GALNT2: variants seen among roughly 807,000 people sequenced by gnomAD.
GALNT2 encodes UDP-GalNAc:polypeptide N-acetylgalactosaminyltransferase 2.
Under a neutral mutation model 81.4 loss-of-function variants are expected in GALNT2, and 31 were observed. The observed-to-expected ratio is 0.38, with a 90% CI of 0.29 to 0.51. GALNT2 has a LOEUF of 0.51. GALNT2 is among the 20% of genes least tolerant of loss of function. GALNT2 has a pLI of 0.87. For synonymous variants in GALNT2, 303 were observed against 287.4 expected (o/e 1.05, Z -0.55); for missense variants, 629 against 765.7 (o/e 0.82, Z 2.11).
chr1:230,132,922 A>G (rs1661414075), intron 1 of GALNT2, among the ~76,000 whole-genome samples: 1 of 152,214 alleles, frequency 6.6e-6, no homozygotes, highest in African/African-American at 2.4e-5. Flanking sequence ...TATTAATTAT[A>G]AAAATACAGC....
rs1202998601 is a variant in GALNT2, at chr1:230,257,743, G to A, written c.1136+2399G>A. On this transcript the variant is annotated intron_variant, in intron 11 of 15. Transcript: ENST00000366672. This position sits in a 1 kb window ranked among gnomAD's most constrained non-coding sequence, Gnocchi z 4.6. ...ATGGGGTGAGATCCAGCTCCATGGT[G>A]AAGCAGGCAGCTGTTTGCTAATAGG... Among the ~76,000 whole-genome samples the A allele has an allele frequency of 6.6e-6, 1 of 152,230 alleles. No individual in the cohort carries two copies. Among genetic ancestry groups the A allele is most frequent in the Non-Finnish European group, 1.5e-5 (1 of 68,034 alleles).
intron 3 of GALNT2, among the ~76,000 whole-genome samples, chr1:230,219,424 G>A (rs1010070879): frequency 1.3e-5 from 2 of 151,980 alleles, no homozygotes; most frequent in Non-Finnish European, 2.9e-5. Flanking sequence ...AGTGGCCTTG[G>A]TGGCTTTCTG....
chr1:230,250,927 C>T (rs994920646), intron 10 of GALNT2, among the ~76,000 whole-genome samples: 2 of 152,112 alleles, frequency 1.3e-5, no homozygotes, highest in Non-Finnish European at 2.9e-5. Flanking sequence ...TGAACCCCGG[C>T]GAGGCTGGTG....
chr1:230,247,455 G>A (rs575382957), intron 8 of GALNT2, among the ~76,000 whole-genome samples: 30 of 152,278 alleles, frequency 2.0e-4, no homozygotes, highest in African/African-American at 5.5e-4. Flanking sequence ...AGACATCAGC[G>A]GGAGGGCGGG....
At chr1:230,197,343 G>C (rs928155451) in intron 2 of GALNT2, among the ~76,000 whole-genome samples, 1 of 152,134 alleles carries the variant, frequency 6.6e-6, no homozygotes, top group Non-Finnish European at 1.5e-5. Flanking sequence ...CAGTGCATCC[G>C]CAGGTCTGTA....
chr1:230,141,612 G>A (rs988266464), intron 1 of GALNT2, among the ~76,000 whole-genome samples: 3 of 152,070 alleles, frequency 2.0e-5, no homozygotes, highest in East Asian at 1.9e-4. Flanking sequence ...GTTGTAGCGC[G>A]CGTCAGAGTT....
rs762532265 is a variant in GALNT2, at chr1:230,075,372, C to T, written c.126+7966C>T. On this transcript the variant is annotated intron_variant, in intron 1 of 15. Transcript: ENST00000366672. Reference sequence around the variant, plus strand: ...CTGACCTCAAGTGATCCACCCACCTCGGCCTCCCAAAGTGCTGGGATTACA... The same window carrying T: ...CTGACCTCAAGTGATCCACCCACCTTGGCCTCCCAAAGTGCTGGGATTACA... Among the ~76,000 whole-genome samples the T allele has an allele frequency of 2.5e-3, 385 of 152,128 alleles. 2 individuals carry two copies. Among genetic ancestry groups the T allele is most frequent in the Non-Finnish European group, 2.5e-3 (167 of 67,980 alleles).
intron 1 of GALNT2, among the ~76,000 whole-genome samples, chr1:230,159,275 T>C (rs1031339928): frequency 6.6e-6 from 1 of 152,214 alleles, no homozygotes; most frequent in Non-Finnish European, 1.5e-5. Flanking sequence ...TCACATTTAA[T>C]GCCCATGATA....
intron 1 of GALNT2, among the ~76,000 whole-genome samples, chr1:230,144,857 A>G (rs1400000733): frequency 6.6e-6 from 1 of 152,132 alleles, no homozygotes; most frequent in African/African-American, 2.4e-5. Context: ...GATTTGGGGC[A>G]GAGGTTATGG....
chr1:230,230,877 C>T (rs1015862868), intron 3 of GALNT2, among the ~76,000 whole-genome samples: 9 of 152,146 alleles, frequency 5.9e-5, no homozygotes, highest in Admixed American at 2.0e-4. Context: ...GTTTGGTCTT[C>T]GTGGCTATCT....
At chr1:230,148,710 C>G (rs1371244909) in intron 1 of GALNT2, among the ~76,000 whole-genome samples, 1 of 151,708 alleles carries the variant, frequency 6.6e-6, no homozygotes, top group Non-Finnish European at 1.5e-5. Flanking sequence ...CCTCAGCCTT[C>G]CGAGTAGCTG....
At chr1:230,223,874 C>G (rs1443977455) in intron 3 of GALNT2, among the ~76,000 whole-genome samples, 1 of 152,210 alleles carries the variant, frequency 6.6e-6, no homozygotes, top group Admixed American at 6.5e-5. Context: ...AAGCTTTTCT[C>G]CTGTCCACTT....
At chr1:230,164,716 G>A (rs1431787388) in intron 1 of GALNT2, among the ~76,000 whole-genome samples, 1 of 152,060 alleles carries the variant, frequency 6.6e-6, no homozygotes, top group Non-Finnish European at 1.5e-5. Context: ...TGTAGTTTTA[G>A]TAGAGAGGTT....
rs144241124 is a variant in GALNT2 at position 230,245,350 on chromosome 1, G to A, written c.730-713G>A. Reference sequence around the variant, plus strand: ...GTGGTGGTGCATATCTGTAATCCCAGCTGCTTGGGAGGCTGAGGCAGTAGA... The same window carrying A: ...GTGGTGGTGCATATCTGTAATCCCAACTGCTTGGGAGGCTGAGGCAGTAGA... On this transcript the variant is annotated intron_variant, in intron 7 of 15. Transcript: ENST00000366672. 9.9e-5 allele frequency among the ~76,000 whole-genome samples: 15 copies of A among 152,166 alleles called. 1 individual carries two copies. The highest frequency in any genetic ancestry group is 1.3e-4 in the Non-Finnish European group (9 of 68,006).
intron 2 of GALNT2, among the ~76,000 whole-genome samples, chr1:230,179,501 G>T (rs1663091763): frequency 6.6e-6 from 1 of 152,182 alleles, no homozygotes; most frequent in Admixed American, 6.5e-5. Flanking sequence ...ACTCTAATAG[G>T]TGTGGAGTAG....
chr1:230,123,323 T>C (rs1345594739), intron 1 of GALNT2, among the ~76,000 whole-genome samples: 1 of 152,240 alleles, frequency 6.6e-6, no homozygotes, highest in East Asian at 1.9e-4. Context: ...ATGAACATTA[T>C]GCTGTTGTCT....
At chr1:230,150,485 G>A (rs896362195) in intron 1 of GALNT2, among the ~76,000 whole-genome samples, 16 of 152,324 alleles carry the variant, frequency 1.1e-4, no homozygotes, top group African/African-American at 3.8e-4. Context: ...CTTTCTGCCC[G>A]CTTTGTTTTT....
At chr1:230,109,604 G>GA (rs1290574332) in intron 1 of GALNT2, among the ~76,000 whole-genome samples, 8 of 152,220 alleles carry the variant, frequency 5.3e-5, no homozygotes, top group Non-Finnish European at 1.2e-4. Context: ...GAGGCAGGTG[G>GA]ATCACCTGAG....
At chr1:230,235,743 A>G (rs759658791) in intron 3 of GALNT2, among the ~76,000 whole-genome samples, 24 of 152,052 alleles carry the variant, frequency 1.6e-4, no homozygotes, top group Non-Finnish European at 3.1e-4. Context: ...GTTTTAAAAC[A>G]CTTTTTTTTA....
Sources: gnomAD v4.1 joint callset for allele counts (sites outside exome capture counted in the v4.1 genomes callset) on GRCh38, gnomAD v4.1.1 for gene constraint, Gnocchi (gnomAD v3.1) non-coding constraint, MANE v1.5 for transcripts, NCBI Gene and HGNC (gene_info 2026-07-23, HGNC 2026-07-21) for gene names.